PROCR: variants seen among roughly 807,000 people sequenced by gnomAD.
PROCR encodes protein C receptor, also known as endothelial protein C receptor.
Under a neutral mutation model 24.2 loss-of-function variants are expected in PROCR, and 22 were observed. The observed-to-expected ratio is 0.91, with a 90% CI of 0.65 to 1.30. PROCR has a LOEUF of 1.30. Ranked by LOEUF, PROCR falls within the 50% of genes most tolerant of loss-of-function variation. The probability of loss-of-function intolerance (pLI) is 0.00; values close to 1 mark genes in which losing one functional copy is unlikely to be tolerated. For synonymous variants in PROCR, 137 were observed against 139.2 expected (o/e 0.98, Z 0.11); for missense variants, 288 against 307.7 (o/e 0.94, Z 0.48).
downstream of PROCR, among the ~76,000 whole-genome samples, chr20:35,180,720 T>C (rs7265317): frequency 0.092 from 14,019 of 152,226 alleles, 739 homozygotes; most frequent in South Asian, 0.16. Context: ...TTTCTCAATC[T>C]TGTCTGGACC....
chr20:35,176,368 CGGTATGAACTGCGGGAATTCCTGGA>C lies in PROCR; in HGVS notation c.526_550del (p.Tyr176ThrfsTer44), dbSNP rs756023058. 1 of 1,614,226 alleles carries C rather than the reference CGGTATGAACTGCGGGAATTCCTGGA, an allele frequency of 6.2e-7. No homozygotes were observed. Among genetic ancestry groups the C allele is most frequent in the Non-Finnish European group, 8.5e-7 (1 of 1,180,048 alleles). On this transcript the variant is annotated frameshift_variant, in exon 3 of 4. Coordinates refer to ENST00000216968, the MANE Select transcript of PROCR (RefSeq NM_006404.5). LOFTEE classifies it high-confidence loss of function. ...GCAGCTCAATGCCTACAACCGCACT[CGGTATGAACTGCGGGAATTCCTGGA>C]GGACACCTGTGTGCAGTATGTGCAG...
At chr20:35,207,275 T>C (rs1422667275) in intron 1 of PROCR, among the ~76,000 whole-genome samples, 1 of 151,996 alleles carries the variant, frequency 6.6e-6, no homozygotes, top group Non-Finnish European at 1.5e-5. Flanking sequence ...GTGGTGGTGT[T>C]TACATAATTC....
At chr20:35,175,449 C>G (rs1037629165) in intron 2 of PROCR, among the ~76,000 whole-genome samples, 1 of 151,488 alleles carries the variant, frequency 6.6e-6, no homozygotes, top group Non-Finnish European at 1.5e-5. Flanking sequence ...CCTTCCCCGT[C>G]ACAACCCTAA....
intron 1 of PROCR, chr20:35,202,863 T>G (rs574077399): frequency 6.6e-6 from 1 of 152,262 alleles, no homozygotes; most frequent in South Asian, 2.1e-4. Context: ...TAACGGACAT[T>G]TATAAAACAC....
At chr20:35,195,249 C>T (rs1028734578) in intron 1 of PROCR, 28 of 151,644 alleles carry the variant, frequency 1.8e-4, no homozygotes, top group East Asian at 1.9e-4. Flanking sequence ...GAAGATAGAT[C>T]GATATAAATT....
chr20:35,215,786 T>C (rs1423799134), intron 1 of PROCR: 1 of 784,810 alleles, frequency 1.3e-6, no homozygotes, highest in Non-Finnish European at 1.5e-6. Context: ...TTTCATTGAC[T>C]GTTAGCTGCT....
intron 1 of PROCR, among the ~76,000 whole-genome samples, chr20:35,198,050 C>A (rs968470243): frequency 1.3e-5 from 2 of 151,764 alleles, no homozygotes; most frequent in Non-Finnish European, 2.9e-5. Context: ...TTTGGGAGGC[C>A]AAGGCAGGTG....
downstream of PROCR, among the ~76,000 whole-genome samples, chr20:35,177,515 C>A (rs2086033407): frequency 8.1e-6 from 1 of 122,750 alleles, no homozygotes; most frequent in Non-Finnish European, 1.6e-5. Context: ...ATGGTGTGAT[C>A]TCAGCTCACT....
rs909443853 is a variant in PROCR at position 35,196,798 on chromosome 20, A to G, written c.95-19095A>G. On this transcript the variant is annotated intron_variant, in intron 1 of 1. Transcript: ENST00000634509. ...ATGAAGGAAGAGCAACAGAATTGGTATATATCTGGATAAAGTTAGGTTATT... is the reference window on the plus strand; with the variant it reads ...ATGAAGGAAGAGCAACAGAATTGGTGTATATCTGGATAAAGTTAGGTTATT... 1.3e-4 allele frequency among the ~76,000 whole-genome samples: 20 copies of G among 152,360 alleles called. 1 individual carries two copies. Among genetic ancestry groups the G allele is most frequent in the African/African-American group, 4.6e-4 (19 of 41,578 alleles).
intron 1 of PROCR, among the ~76,000 whole-genome samples, chr20:35,199,538 C>T (rs571401923): frequency 8.5e-5 from 13 of 152,182 alleles, no homozygotes; most frequent in East Asian, 1.9e-4. Flanking sequence ...ATCACAGGGT[C>T]GGGAGTTCAA....
At chr20:35,180,670 T>TTG (rs1233256500), downstream of PROCR, among the ~76,000 whole-genome samples, 2 of 151,986 alleles carry the variant, frequency 1.3e-5, no homozygotes, top group African/African-American at 2.4e-5. Flanking sequence ...ATAACCCAAC[T>TTG]TGTGTGTGTG....
intron 1 of PROCR, among the ~76,000 whole-genome samples, chr20:35,188,825 G>A (rs2086148499): frequency 6.6e-6 from 1 of 152,084 alleles, no homozygotes; most frequent in South Asian, 2.1e-4. Context: ...GGGAAGTCAG[G>A]GACCCCGAAC....
At chr20:35,196,180 CAAAAAA>C (rs68132775) in intron 1 of PROCR, among the ~76,000 whole-genome samples, 2 of 63,442 alleles carry the variant, frequency 3.2e-5, no homozygotes, top group Admixed American at 5.0e-4. Context: ...AGACTGCCTC[CAAAAAA>C]AAAAAAAAAA....
chr20:35,174,324 A>C, intron 1 of PROCR: 1 of 332,496 alleles, frequency 3.0e-6, no homozygotes, highest in Non-Finnish European at 5.9e-6. Flanking sequence ...ATCCTGAATC[A>C]GGGCAGTGGA....
At chr20:35,192,668 TC>T (rs1197989649) in intron 1 of PROCR, among the ~76,000 whole-genome samples, 1 of 151,746 alleles carries the variant, frequency 6.6e-6, no homozygotes, top group Non-Finnish European at 1.5e-5. Context: ...CAGGAGACTT[TC>T]CCCCCACCTC....
intron 1 of PROCR, among the ~76,000 whole-genome samples, chr20:35,201,376 G>T (rs1378530578): frequency 6.6e-6 from 1 of 152,064 alleles, no homozygotes; most frequent in African/African-American, 2.4e-5. Context: ...AATGTAAATG[G>T]TCTAAACACA....
chr20:35,215,073 A>T (rs1568603568), intron 1 of PROCR, among the ~76,000 whole-genome samples: 2 of 151,788 alleles, frequency 1.3e-5, no homozygotes, highest in African/African-American at 4.8e-5. Context: ...AGCCAGGCTA[A>T]TTTTTTTGTG....
At chr20:35,172,366 T>C (rs1398843539) in intron 1 of PROCR, 142 bp downstream of exon 1, 2 of 1,068,588 alleles carry the variant, frequency 1.9e-6, no homozygotes, top group East Asian at 2.5e-5. Context: ...GCAGGCAGAG[T>C]CTTGGGGACT....
chr20:35,183,622 A>T (rs570490445), intron 1 of PROCR, among the ~76,000 whole-genome samples: 1 of 152,298 alleles, frequency 6.6e-6, no homozygotes, highest in East Asian at 1.9e-4. Context: ...CAGAGCTAGG[A>T]TTCAAACCCG....
Sources: allele counts gnomAD v4.1 joint callset (sites outside exome capture counted in the v4.1 genomes callset), GRCh38; gene constraint gnomAD v4.1.1; transcripts MANE v1.5; gene names NCBI Gene and HGNC (gene_info 2026-07-23, HGNC 2026-07-21).